GALNT17: variants seen among roughly 807,000 people sequenced by gnomAD.
The protein encoded by GALNT17 is polypeptide N-acetylgalactosaminyltransferase 17.
GALNT17 carries 29 observed loss-of-function variants against 63.7 expected under a neutral mutation model. That is an observed-to-expected ratio of 0.46 (90% CI 0.34 to 0.62). GALNT17 has a LOEUF of 0.62. Among genes scored for constraint, GALNT17 ranks in the 20% least tolerant of loss-of-function variants. GALNT17 has a pLI of 0.01. For synonymous variants in GALNT17, 305 were observed against 318.3 expected, an observed-to-expected ratio of 0.96 and a Z score of 0.45; for missense variants, 603 against 799.6, an observed-to-expected ratio of 0.75 and a Z score of 2.97.
At chr7:71,633,594 C>T (rs1201428937) in intron 6 of GALNT17, among the ~76,000 whole-genome samples, 2 of 152,202 alleles carry the variant, frequency 1.3e-5, no homozygotes, top group African/African-American at 4.8e-5. Flanking sequence ...TCTGTTCTCT[C>T]TGCTAATCTT....
At chr7:71,492,672 C>T (rs1184956907) in intron 5 of GALNT17, among the ~76,000 whole-genome samples, 1 of 152,210 alleles carries the variant, frequency 6.6e-6, no homozygotes, top group Non-Finnish European at 1.5e-5. Context: ...GAGCACGTCA[C>T]TCCAGTTCTC....
chr7:71,521,018 C>T (rs1025216983), intron 5 of GALNT17, among the ~76,000 whole-genome samples: 4 of 152,046 alleles, frequency 2.6e-5, no homozygotes, highest in African/African-American at 2.4e-5. Flanking sequence ...TCCAGGTAGG[C>T]GAGGGAGGAG....
At chr7:71,416,338 A>T (rs1448798663) in intron 4 of GALNT17, among the ~76,000 whole-genome samples, 1 of 152,168 alleles carries the variant, frequency 6.6e-6, no homozygotes, top group Non-Finnish European at 1.5e-5. Flanking sequence ...CAGGCTGGGC[A>T]TGGTGGCTTG....
At chr7:71,266,383 G>A (rs916295498) in intron 1 of GALNT17, among the ~76,000 whole-genome samples, 2 of 152,128 alleles carry the variant, frequency 1.3e-5, no homozygotes, top group Non-Finnish European at 2.9e-5. Context: ...GAATCCTCAT[G>A]AGATCTGGTT....
chr7:71,597,764 C>T (rs1391473439), intron 6 of GALNT17, among the ~76,000 whole-genome samples: 1 of 152,062 alleles, frequency 6.6e-6, no homozygotes, highest in East Asian at 1.9e-4. Context: ...GGACTGGCCC[C>T]ATCTCTGGGT....
intron 1 of GALNT17, among the ~76,000 whole-genome samples, chr7:71,306,353 A>G (rs1791296470): frequency 6.6e-6 from 1 of 152,168 alleles, no homozygotes; most frequent in African/African-American, 2.4e-5. Context: ...TGTTTTCATC[A>G]TGCAGATCTG....
intron 6 of GALNT17, among the ~76,000 whole-genome samples, chr7:71,601,445 G>A (rs1789965861): frequency 2.0e-5 from 3 of 152,004 alleles, no homozygotes; most frequent in Non-Finnish European, 2.9e-5. Flanking sequence ...GAGATAGGAC[G>A]GAGACAGAGC....
rs528166657 is a variant in GALNT17, at chr7:71,279,767, G to A, written c.239-55783G>A. On this transcript the variant is annotated intron_variant, in intron 1 of 10. Transcript: ENST00000333538. ...AGAGGCATGCCCAGGCTGGAGGAAC[G>A]AAGCGAAATGGGGGGCAAACTAGAT... 7.1e-4 allele frequency among the ~76,000 whole-genome samples: 107 copies of A among 150,550 alleles called. 1 individual carries two copies. The highest frequency in any genetic ancestry group is 2.4e-3 in the African/African-American group (99 of 40,952).
At chr7:71,611,216 C>A (rs1407266847) in intron 6 of GALNT17, among the ~76,000 whole-genome samples, 1 of 152,046 alleles carries the variant, frequency 6.6e-6, no homozygotes, top group Non-Finnish European at 1.5e-5. Context: ...CTTGCTAAGG[C>A]AGATAGAGTC....
intron 6 of GALNT17, among the ~76,000 whole-genome samples, chr7:71,663,091 C>A (rs1458813144): frequency 6.6e-6 from 1 of 152,140 alleles, no homozygotes; most frequent in Non-Finnish European, 1.5e-5. Context: ...ACCACACCAT[C>A]TTGACTATAG....
At chr7:71,172,590 A>G (rs1788565731) in intron 1 of GALNT17, among the ~76,000 whole-genome samples, 1 of 152,078 alleles carries the variant, frequency 6.6e-6, no homozygotes, top group Non-Finnish European at 1.5e-5. Flanking sequence ...AGAGCAATGG[A>G]TAGAGGCCAT....
chr7:71,636,287 G>A (rs1361592414), intron 6 of GALNT17, among the ~76,000 whole-genome samples: 1 of 152,192 alleles, frequency 6.6e-6, no homozygotes, highest in East Asian at 1.9e-4. Flanking sequence ...GCTAGAAGCA[G>A]GGAGTGGGGG....
At chr7:71,554,537 G>T (rs1163087139) in intron 5 of GALNT17, among the ~76,000 whole-genome samples, 2 of 152,090 alleles carry the variant, frequency 1.3e-5, no homozygotes, top group Non-Finnish European at 2.9e-5. Flanking sequence ...GGAACTTCAG[G>T]ATTTCCTACA....
chr7:71,331,808 C>T (rs968313875), intron 1 of GALNT17, among the ~76,000 whole-genome samples: 1 of 152,086 alleles, frequency 6.6e-6, no homozygotes, highest in Non-Finnish European at 1.5e-5. Context: ...GAGCTTGTCA[C>T]GGGATTAGAT....
intron 6 of GALNT17, among the ~76,000 whole-genome samples, chr7:71,583,296 G>A (rs558791386): frequency 1.4e-4 from 22 of 152,188 alleles, no homozygotes; most frequent in African/African-American, 3.1e-4. Context: ...GGATTTCACC[G>A]TGTTAGCCAG....
intron 1 of GALNT17, among the ~76,000 whole-genome samples, chr7:71,147,471 C>T (rs894596155): frequency 5.3e-5 from 8 of 152,098 alleles, no homozygotes; most frequent in South Asian, 2.1e-4. Flanking sequence ...GTGGATCTGC[C>T]TTCCCCAGCC....
At chr7:71,694,671 C>T (rs1005373232) in intron 9 of GALNT17, among the ~76,000 whole-genome samples, 1 of 152,234 alleles carries the variant, frequency 6.6e-6, no homozygotes, top group Non-Finnish European at 1.5e-5. Context: ...GCTGGGATTA[C>T]AGGCGTGAGC....
At chr7:71,299,494 C>T (rs1274850629) in intron 1 of GALNT17, among the ~76,000 whole-genome samples, 1 of 152,138 alleles carries the variant, frequency 6.6e-6, no homozygotes, top group Non-Finnish European at 1.5e-5. Flanking sequence ...CATGATTTTT[C>T]CCAGGCTCCA....
At chr7:71,513,778 A>G (rs1788402919) in intron 5 of GALNT17, among the ~76,000 whole-genome samples, 1 of 152,154 alleles carries the variant, frequency 6.6e-6, no homozygotes, top group Admixed American at 6.5e-5. Flanking sequence ...AGAAATTGAC[A>G]TGGAAGAAAG....
Sources: gnomAD v4.1 joint callset for allele counts (sites outside exome capture counted in the v4.1 genomes callset) on GRCh38, gnomAD v4.1.1 for gene constraint, MANE v1.5 for transcripts, NCBI Gene and HGNC (gene_info 2026-07-23, HGNC 2026-07-21) for gene names.